The following VPS13C variants were observed in gnomAD, a reference collection of about 807,000 sequenced individuals.
VPS13C encodes the protein intermembrane lipid transfer protein VPS13C.
In VPS13C, 358 loss-of-function variants were observed where a neutral mutation model predicts 456.8. The observed-to-expected ratio is 0.78, with a 90% confidence interval of 0.72 to 0.86. VPS13C has a LOEUF of 0.86. VPS13C is among the 40% of genes least tolerant of loss of function. The probability of loss-of-function intolerance (pLI) is 0.00; values close to 1 mark genes in which losing one functional copy is unlikely to be tolerated. For missense variants in VPS13C, 4,818 were observed against 4,385.4 expected (o/e 1.10, Z -2.79); for synonymous variants, 1,578 against 1,486.7 (o/e 1.06, Z -1.41).
intron 43 of VPS13C, among the ~76,000 whole-genome samples, chr15:61,946,899 CT>C (rs1175586924): frequency 6.6e-6 from 1 of 152,024 alleles, no homozygotes; most frequent in East Asian, 1.9e-4. Context: ...AGGAAACAGT[CT>C]TCTAAGATTT....
chr15:61,855,141 T>C (rs937500934), intron 83 of VPS13C, among the ~76,000 whole-genome samples, 187 bp from the exon 84 acceptor site: 2 of 152,186 alleles, frequency 1.3e-5, no homozygotes, highest in African/African-American at 4.8e-5. Context: ...TGTGAGTTGT[T>C]AGAACTTATA....
At chr15:61,980,557 G>A (rs2045850766) in intron 22 of VPS13C, among the ~76,000 whole-genome samples, 1 of 151,872 alleles carries the variant, frequency 6.6e-6, no homozygotes, top group African/African-American at 2.4e-5. Flanking sequence ...AGTTGTATAA[G>A]ATTTCCTATG....
At chr15:61,897,859 C>T (rs1364547500) in intron 66 of VPS13C, among the ~76,000 whole-genome samples, 1 of 152,092 alleles carries the variant, frequency 6.6e-6, no homozygotes, top group Non-Finnish European at 1.5e-5. Context: ...AGAGAAAGGT[C>T]GGGTTACCCA....
At chr15:61,897,919 C>T (rs2042879594) in intron 66 of VPS13C, among the ~76,000 whole-genome samples, 1 of 152,140 alleles carries the variant, frequency 6.6e-6, no homozygotes. Context: ...AGAAACCATA[C>T]AAGCCAGAAG....
intron 2 of VPS13C, among the ~76,000 whole-genome samples, chr15:62,043,876 T>G (rs895545632): frequency 6.6e-6 from 1 of 152,324 alleles, no homozygotes; most frequent in East Asian, 1.9e-4. Context: ...AAATTAGATA[T>G]GTTATTTAAA....
chr15:61,922,289 T>G, intron 54 of VPS13C, 108 bp downstream of exon 54: 1 of 1,346,828 alleles, frequency 7.4e-7, no homozygotes, highest in Non-Finnish European at 1.0e-6. Context: ...CACTATCTAT[T>G]CACATATGTA....
At chr15:62,005,628 T>G (rs1283193025) in intron 15 of VPS13C, among the ~76,000 whole-genome samples, 2 of 152,262 alleles carry the variant, frequency 1.3e-5, no homozygotes, top group East Asian at 3.9e-4. Context: ...GTCTTTACAT[T>G]TTGGCATGAT....
At chr15:61,962,656 T>C (rs2045247715) in intron 33 of VPS13C, 93 bp downstream of exon 33, 1 of 1,309,492 alleles carries the variant, frequency 7.6e-7, no homozygotes, top group Non-Finnish European at 1.0e-6. Flanking sequence ...TTGAAATATA[T>C]TTCATTAATG....
intron 56 of VPS13C, 67 bp from the exon 57 acceptor site, chr15:61,920,398 A>G (rs1364533770): frequency 6.7e-7 from 1 of 1,499,882 alleles, no homozygotes; most frequent in Non-Finnish European, 8.9e-7. Flanking sequence ...AACCTATACC[A>G]TAATTACACA....
Position 61,919,571 on chromosome 15 carries a change from C to A in VPS13C, c.7478-122G>T, listed in dbSNP as rs185758688. 8.6e-4 allele frequency: 911 copies of A among 1,054,468 alleles called. 8 individuals carry two copies. The African/African-American group carries it at 0.013, about 15-fold the overall frequency. The allele number at this position is 1,054,468 out of a possible 1,614,324, so 65.3% of individuals were successfully genotyped here. On this transcript the variant is annotated intron_variant, in intron 57 of 84. Coordinates refer to ENST00000644861, the MANE Select transcript of VPS13C (RefSeq NM_020821.3). ...TCCTCATCACTAGAAATGATCACCA[C>A]AAATTGCTTTTCTAAGACATAAACT...
intron 5 of VPS13C, 74 bp downstream of exon 5, chr15:62,033,367 G>A (rs979216576): frequency 6.5e-6 from 6 of 918,394 alleles, no homozygotes; most frequent in Non-Finnish European, 9.1e-6. Flanking sequence ...GCTTACAAAA[G>A]CATCCTCTTT....
intron 49 of VPS13C, among the ~76,000 whole-genome samples, chr15:61,933,387 A>G (rs1040659560): frequency 6.6e-6 from 1 of 152,192 alleles, no homozygotes; most frequent in Non-Finnish European, 1.5e-5. Flanking sequence ...ATGTATGAAT[A>G]TTGCATAATT....
intron 16 of VPS13C, among the ~76,000 whole-genome samples, chr15:61,994,350 G>A (rs554374452): frequency 2.6e-5 from 4 of 152,056 alleles, no homozygotes; most frequent in African/African-American, 4.8e-5. Context: ...GTTATCCTCC[G>A]GTGATTCATT....
intron 79 of VPS13C, among the ~76,000 whole-genome samples, chr15:61,870,862 A>G (rs1894970063): frequency 6.6e-6 from 1 of 152,154 alleles, no homozygotes; most frequent in Non-Finnish European, 1.5e-5. Context: ...CTGTCGACTA[A>G]TGATGTTTAC....
intron 29 of VPS13C, 32 bp downstream of exon 29, chr15:61,967,336 C>T: frequency 6.4e-7 from 1 of 1,554,268 alleles, no homozygotes; most frequent in Non-Finnish European, 8.8e-7. Context: ...TTGGAGTAAA[C>T]AATAAATATA....
At position 61,982,087 on chromosome 15, in the gene VPS13C, T is replaced by C. The variant is rs191959523; in HGVS notation, c.2029+372A>G. On this transcript the variant is annotated intron_variant, in intron 21 of 84. Transcript: ENST00000644861. ...TCCTTGGTTAAGGAACTGGATAAAA[T>C]AGTTGGCTTGAGTTTAGAGGTCATG... Among the ~76,000 whole-genome samples the C allele has an allele frequency of 5.2e-4, 79 of 152,270 alleles. 2 individuals are homozygous for C. In the South Asian group the frequency reaches 8.7e-3, roughly 17 times the overall value.
At chr15:62,011,979 A>G (rs1285991846) in intron 12 of VPS13C, 128 bp downstream of exon 12, 2 of 574,944 alleles carry the variant, frequency 3.5e-6, no homozygotes, top group Admixed American at 3.4e-5. Flanking sequence ...AACATGTTGT[A>G]TCATAATAGT....
intron 1 of VPS13C, 142 bp downstream of exon 1, chr15:62,060,133 G>C (rs2048949599): frequency 2.4e-6 from 1 of 420,722 alleles, no homozygotes; most frequent in Non-Finnish European, 4.3e-6. Flanking sequence ...GGCGGCAGAG[G>C]CTCCCGCATC....
chr15:61,986,029 C>A (rs919951756), intron 18 of VPS13C, among the ~76,000 whole-genome samples: 1 of 151,748 alleles, frequency 6.6e-6, no homozygotes, highest in African/African-American at 2.4e-5. Context: ...ATCTGCAGCA[C>A]AGCATCAAAT....
Sources: allele counts gnomAD v4.1 joint callset (sites outside exome capture counted in the v4.1 genomes callset), GRCh38; gene constraint gnomAD v4.1.1; transcripts MANE v1.5; gene names NCBI Gene and HGNC (gene_info 2026-07-23, HGNC 2026-07-21).